The following EFHD1 variants were observed in gnomAD, a reference collection of about 807,000 sequenced individuals.
The protein encoded by EFHD1 is EF-hand domain-containing protein D1.
A neutral mutation model predicts 17.2 loss-of-function variants in EFHD1; 10 were observed. The observed-to-expected ratio is 0.58, with a 90% confidence interval of 0.36 to 0.99. EFHD1 has a LOEUF of 0.99. Among genes scored for constraint, EFHD1 ranks in the 50% least tolerant of loss-of-function variants. The pLI, the probability that EFHD1 is intolerant of heterozygous loss-of-function variation, is 0.01. For missense variants in EFHD1, 310 were observed against 327.5 expected, an observed-to-expected ratio of 0.95 and a Z score of 0.41; for synonymous variants, 153 against 142.0, an observed-to-expected ratio of 1.08 and a Z score of -0.55.
intron 1 of EFHD1, chr2:232,606,626 C>T (rs1693717945): frequency 5.3e-6 from 1 of 189,446 alleles, no homozygotes; most frequent in South Asian, 1.0e-4. Flanking sequence ...GGTGGCTCAG[C>T]CTGTAATCCC....
chr2:232,610,367 G>T (rs1318593674), intron 1 of EFHD1, among the ~76,000 whole-genome samples: 1 of 152,172 alleles, frequency 6.6e-6, no homozygotes, highest in African/African-American at 2.4e-5. Context: ...GCCTGGTCAG[G>T]ACCCTGCCCC....
chr2:232,610,201 T>G (rs1250584826), intron 1 of EFHD1, among the ~76,000 whole-genome samples: 2 of 152,232 alleles, frequency 1.3e-5, no homozygotes, highest in Non-Finnish European at 2.9e-5. Flanking sequence ...AGGTTTGTTC[T>G]GCAAGGCTGA....
intron 2 of EFHD1, among the ~76,000 whole-genome samples, chr2:232,663,271 G>A (rs924790590): frequency 6.6e-6 from 1 of 151,868 alleles, no homozygotes; most frequent in African/African-American, 2.4e-5. Flanking sequence ...ATATATTAAA[G>A]CTTTTCATTT....
intron 1 of EFHD1, among the ~76,000 whole-genome samples, chr2:232,614,703 CA>C (rs1693890524): frequency 6.6e-6 from 1 of 152,284 alleles, no homozygotes; most frequent in Admixed American, 6.5e-5. Context: ...TGGCCAGGCG[CA>C]GTGGCTAATG....
In EFHD1 at chr2:232,619,162, A is replaced by T. The variant is rs955581251; in HGVS notation, c.14+12989A>T. 8.1e-3 allele frequency among the ~76,000 whole-genome samples: 267 copies of T among 32,786 alleles called. 1 individual carries two copies. Among genetic ancestry groups the T allele is most frequent in the African/African-American group, 0.029 (255 of 8,834 alleles). The allele number at this position is 32,786 out of a possible 152,430, so 21.5% of individuals were successfully genotyped here. A position where few individuals can be genotyped will look rare whatever the true frequency, so the allele number is the denominator to read the frequency against. On this transcript the variant is annotated intron_variant, in intron 1 of 3. Transcript: ENST00000409613. ...GAGCAAAACTCCATCTCAAAATATA[A>T]ATAAATAAATAAATAAATAAATAAA...
intron 1 of EFHD1, among the ~76,000 whole-genome samples, chr2:232,637,167 G>T (rs950277178): frequency 6.6e-6 from 1 of 152,050 alleles, no homozygotes; most frequent in African/African-American, 2.4e-5. Flanking sequence ...CGTGTCAGCC[G>T]GGCTGTGCTG....
At chr2:232,624,970 C>T (rs750616232) in intron 1 of EFHD1, among the ~76,000 whole-genome samples, 16 of 152,142 alleles carry the variant, frequency 1.1e-4, no homozygotes, top group African/African-American at 3.6e-4. Context: ...CCACCACTCC[C>T]GACACACTTT....
intron 1 of EFHD1, among the ~76,000 whole-genome samples, chr2:232,620,547 GTC>G (rs1694002100): frequency 6.6e-6 from 1 of 151,576 alleles, no homozygotes; most frequent in Non-Finnish European, 1.5e-5. Context: ...CATCACTCCT[GTC>G]TGATTTTTTT....
intron 2 of EFHD1, among the ~76,000 whole-genome samples, chr2:232,670,542 T>C (rs1316943311): frequency 6.6e-6 from 1 of 151,764 alleles, no homozygotes; most frequent in Admixed American, 6.6e-5. Context: ...AGGAGGAGGG[T>C]GGATTATTCA....
chr2:232,645,128 T>C (rs1338800026), intron 1 of EFHD1, among the ~76,000 whole-genome samples: 2 of 151,940 alleles, frequency 1.3e-5, no homozygotes, highest in African/African-American at 4.8e-5. Context: ...TTACTCCCAG[T>C]CATGTTGCTG....
At chr2:232,629,540 C>T, upstream of EFHD1, among the ~76,000 whole-genome samples, 1 of 152,014 alleles carries the variant, frequency 6.6e-6, no homozygotes, top group East Asian at 1.9e-4. Context: ...GCCATCTTGG[C>T]TCACTGCAAC....
chr2:232,649,716 A>C (rs1472389886), intron 1 of EFHD1: 2 of 152,236 alleles, frequency 1.3e-5, no homozygotes, highest in Non-Finnish European at 1.5e-5. Flanking sequence ...CACAAGGCTC[A>C]TGGCAGTCTC....
intron 3 of EFHD1, among the ~76,000 whole-genome samples, chr2:232,676,912 ACTC>A (rs1346740845): frequency 6.6e-6 from 1 of 151,664 alleles, no homozygotes; most frequent in Admixed American, 6.6e-5. Context: ...AGGCAGGAGA[ACTC>A]CTCAAACCCA....
intron 1 of EFHD1, among the ~76,000 whole-genome samples, chr2:232,637,885 T>A (rs1326600821): frequency 6.6e-6 from 1 of 152,166 alleles, no homozygotes; most frequent in African/African-American, 2.4e-5. Context: ...AAAAACTGGA[T>A]CCTTCCCAGC....
chr2:232,652,744 A>G (rs960268660), intron 1 of EFHD1, among the ~76,000 whole-genome samples: 2 of 152,156 alleles, frequency 1.3e-5, no homozygotes, highest in African/African-American at 4.8e-5. Flanking sequence ...GCAGTTCCCT[A>G]GGTAGACATC....
chr2:232,681,534 G>T, intron 3 of EFHD1, 51 bp from the exon 4 acceptor site: 3 of 1,591,296 alleles, frequency 1.9e-6, no homozygotes, highest in Admixed American at 1.7e-5. Context: ...CAGCTCCAGG[G>T]TCCTCTGCCC....
In EFHD1 at chr2:232,657,254, A is replaced by C. The variant is rs76515239; in HGVS notation, c.303-5548A>C. On this transcript the variant is annotated intron_variant, in intron 1 of 3. Transcript: ENST00000264059. ...ACCTCCCCAGCCCTTGACAGTCACC[A>C]TTCTACTTCTGTCTCGATGATTTTG... 2.3e-3 allele frequency among the ~76,000 whole-genome samples: 347 copies of C among 152,312 alleles called. 5 individuals carry two copies. Among genetic ancestry groups the C allele is most frequent in the Admixed American group, 0.017 (265 of 15,292 alleles).
At chr2:232,654,324 T>C (rs1395674910) in intron 1 of EFHD1, among the ~76,000 whole-genome samples, 1 of 151,960 alleles carries the variant, frequency 6.6e-6, no homozygotes, top group African/African-American at 2.4e-5. Flanking sequence ...CGTTGCAGGC[T>C]TTGGGGCCTG....
At chr2:232,634,915 G>C (rs1008562221) in intron 1 of EFHD1, among the ~76,000 whole-genome samples, 2 of 152,234 alleles carry the variant, frequency 1.3e-5, no homozygotes, top group African/African-American at 4.8e-5. Context: ...CGCCGGCCAG[G>C]TCATGCTTGG....
Sources: allele counts gnomAD v4.1 joint callset (sites outside exome capture counted in the v4.1 genomes callset), GRCh38; gene constraint gnomAD v4.1.1; transcripts MANE v1.5; gene names NCBI Gene and HGNC (gene_info 2026-07-23, HGNC 2026-07-21).